DDX49: variants seen among roughly 807,000 people sequenced by gnomAD.
DDX49 encodes probable ATP-dependent RNA helicase DDX49.
Under a neutral mutation model 56.3 loss-of-function variants are expected in DDX49, and 50 were observed. The ratio of observed to expected loss-of-function variants is 0.89; its 90% CI spans 0.71 to 1.12. DDX49 has a LOEUF of 1.12. Ranked by LOEUF, DDX49 falls within the 50% of genes most tolerant of loss-of-function variation. DDX49 has a pLI of 0.00. For missense variants in DDX49, 614 were observed against 650.5 expected, an observed-to-expected ratio of 0.94 and a Z score of 0.61; for synonymous variants, 269 against 270.6, an observed-to-expected ratio of 0.99 and a Z score of 0.06.
chr19:18,922,022 A>G lies in DDX49; in HGVS notation c.447+58A>G, dbSNP rs377111101. 3.2e-5 allele frequency: 50 copies of G among 1,555,490 alleles called. 1 individual carries two copies. The highest frequency in any genetic ancestry group is 1.8e-4 in the African/African-American group (13 of 73,018). On this transcript the variant is annotated intron_variant, in intron 4 of 12. Transcript: ENST00000247003. ...GCTGGGCTCGGAGCCTCCAGGCCCAATGTCAGAGCCTGGGGCACCATCTCA... is the reference window on the plus strand; with the variant it reads ...GCTGGGCTCGGAGCCTCCAGGCCCAGTGTCAGAGCCTGGGGCACCATCTCA...
In DDX49 at chr19:18,921,913, A is replaced by C; in HGVS notation, c.396A>C (p.Ala132=). ...HVVIATPGRL[A]DHLRSSNTFS... Reference sequence around the variant, plus strand: ...TCATCGCCACGCCGGGGCGCCTGGCAGATCACCTGCGCAGCTCCAACACTT... The same window carrying C: ...TCATCGCCACGCCGGGGCGCCTGGCCGATCACCTGCGCAGCTCCAACACTT... The change falls in exon 4 of 13, where the codon GCA becomes GCC. Residue 132 remains alanine, a synonymous_variant. Coordinates refer to ENST00000247003, the MANE Select transcript of DDX49 (RefSeq NM_019070.5). 6.2e-7 allele frequency: 1 copy of C among 1,613,936 alleles called. No individual in the cohort carries two copies. The highest frequency in any genetic ancestry group is 8.5e-7 in the Non-Finnish European group (1 of 1,180,014).
At chr19:18,924,510 C>T (rs1402905950) in intron 7 of DDX49, 113 bp from the exon 8 acceptor site, 1 of 1,272,874 alleles carries the variant, frequency 7.9e-7, no homozygotes, top group East Asian at 2.3e-5. Context: ...CTTCTCATGG[C>T]CACCTTCCTC....
At chr19:18,926,240 T>C in intron 9 of DDX49, 63 bp from the exon 10 acceptor site, 1 of 1,513,708 alleles carries the variant, frequency 6.6e-7, no homozygotes, top group Middle Eastern at 1.7e-4. Flanking sequence ...TGTCAGGATC[T>C]ACCTTTATTC....
chr19:18,924,591 G>C lies in DDX49; in HGVS notation c.853-32G>C. On this transcript the variant is annotated intron_variant, in intron 7 of 12. Transcript: ENST00000247003. ...CTCACACAGAAAACCCTGCCTTCAT[G>C]CATTCCCAATTTTCTTCCCAACCCT... 3 of 1,612,942 alleles carry C rather than the reference G, an allele frequency of 1.9e-6. No homozygotes were observed. The Admixed American group carries it at 5.0e-5, about 27-fold the overall frequency.
Position 18,924,660 on chromosome 19 carries a change from G to C in DDX49, c.890G>C (p.Ser297Thr). 6.2e-7 allele frequency: 1 copy of C among 1,614,208 alleles called. No individual in the cohort carries two copies. The highest frequency in any genetic ancestry group is 8.5e-7 in the Non-Finnish European group (1 of 1,180,034). The part of the protein sequence containing the change: ...RFAALAKFKS[S>T]IYRILIATDV... The stretch of plus-strand genomic sequence containing the variant: ...GCCGCCCTAGCCAAGTTCAAGTCCA[G>C]CATCTACCGGATCCTGATCGCAACA... The change falls in exon 8 of 13, where the codon AGC (serine) becomes ACC (threonine). Residue 297 changes from serine (S) to threonine (T), a missense_variant. Physicochemically the swap from Ser to Thr is moderately conservative, Grantham distance 58. Coordinates refer to ENST00000247003, the MANE Select transcript of DDX49 (RefSeq NM_019070.5).
chr19:18,922,509 G>A lies in DDX49; in HGVS notation c.631G>A (p.Ala211Thr), dbSNP rs1157397503. 2 of 1,599,874 alleles carry A rather than the reference G, an allele frequency of 1.3e-6. No individual in the cohort carries two copies. Among genetic ancestry groups the A allele is most frequent in the South Asian group, 1.1e-5 (1 of 90,494 alleles). ...TNQPFFWEAQ[A>T]PVSTVEQLDQ... ...CCAGCCCTTCTTCTGGGAAGCACAG[G>A]CCCCGTGAGTCCACAGCCCAGACAG... The change falls in exon 5 of 13, where the codon GCC (alanine) becomes ACC (threonine). Residue 211 changes from alanine to threonine, a missense_variant. Physicochemically the swap from Ala to Thr is moderately conservative, Grantham distance 58. Transcript: ENST00000247003.
chr19:18,924,279 A>C lies in DDX49; in HGVS notation c.823A>C (p.Thr275Pro), dbSNP rs536731978. The change falls in exon 7 of 13, where the codon ACC becomes CCC. Residue 275 changes from threonine to proline, a missense_variant. Coordinates refer to ENST00000247003, the MANE Select transcript of DDX49 (RefSeq NM_019070.5). Reference sequence around the variant, plus strand: ...GATGCTGCGCAAATTCAGCTTCCCCACCGTGGCTCTGCACTCCATGATGAA... The same window carrying C: ...GATGCTGCGCAAATTCAGCTTCCCCCCCGTGGCTCTGCACTCCATGATGAA... Reference protein sequence around the residue: ...CMMLRKFSFPTVALHSMMKQK... With the variant: ...CMMLRKFSFPPVALHSMMKQK... 1 of 1,613,574 alleles carries C rather than the reference A, an allele frequency of 6.2e-7. No individual in the cohort carries two copies. Among genetic ancestry groups the C allele is most frequent in the East Asian group, 2.2e-5 (1 of 44,866 alleles).
intron 6 of DDX49, among the ~76,000 whole-genome samples, chr19:18,923,026 G>T (rs1271845106): frequency 1.3e-5 from 2 of 152,164 alleles, no homozygotes; most frequent in Admixed American, 1.3e-4. Context: ...GAGCTTTCCT[G>T]GGCCTTTAGT....
At position 18,924,266 on chromosome 19, in the gene DDX49, A is replaced by G. The variant is rs372898180; in HGVS notation, c.810A>G (p.Lys270=). 12 of 1,613,856 alleles carry G rather than the reference A, an allele frequency of 7.4e-6. No individual in the cohort carries two copies. The highest frequency in any genetic ancestry group is 2.2e-5 in the East Asian group (1 of 44,862). Residue 270 remains lysine (K), a synonymous_variant, in exon 7 of 13, where the codon AAA becomes AAG. Coordinates refer to ENST00000247003, the MANE Select transcript of DDX49 (RefSeq NM_019070.5). The part of the protein sequence containing the change: ...TCQILCMMLR[K]FSFPTVALHS... ...AGATTCTGTGCATGATGCTGCGCAA[A>G]TTCAGCTTCCCCACCGTGGCTCTGC...
intron 7 of DDX49, 82 bp downstream of exon 7, chr19:18,924,390 C>G: frequency 7.0e-7 from 1 of 1,427,790 alleles, no homozygotes; most frequent in South Asian, 1.2e-5. Context: ...TTCCTTCTGC[C>G]GGGCGCCTTC....
Position 18,920,668 on chromosome 19 carries a change from C to G in DDX49, c.204C>G (p.Pro68=). The G allele has an allele frequency of 6.2e-7, 1 of 1,610,338 alleles. No homozygotes were observed. Among genetic ancestry groups the G allele is most frequent in the Non-Finnish European group, 8.5e-7 (1 of 1,176,912 alleles). The change falls in exon 2 of 13, where the codon CCC becomes CCG. Residue 68 remains proline, a synonymous_variant. Coordinates refer to ENST00000247003, the MANE Select transcript of DDX49 (RefSeq NM_019070.5). The part of the protein sequence containing the change: ...LPILQKLSED[P]YGIFCLVLTP... ...TCTTGCAGAAGCTGTCTGAGGATCC[C>G]TATGGCATCTTCTGCCTCGTCCTGA...
Position 18,928,440 on chromosome 19 carries a change from C to T in DDX49, c.*124C>T, listed in dbSNP as rs549829011. On this transcript the variant is annotated 3_prime_UTR_variant, in exon 13 of 13. Transcript: ENST00000247003. Reference sequence around the variant, plus strand: ...AGTGCCCCACAGCAGAACCCGTGGGCGCTCGTGTTGTGCGGGCCCTGCTCC... The same window carrying T: ...AGTGCCCCACAGCAGAACCCGTGGGTGCTCGTGTTGTGCGGGCCCTGCTCC... 5.6e-5 allele frequency: 56 copies of T among 995,514 alleles called. No homozygotes were observed. The highest frequency in any genetic ancestry group is 5.1e-4 in the African/African-American group (31 of 61,188). The allele number at this position is 995,514 out of a possible 1,614,324, so 61.7% of individuals were successfully genotyped here. A position where few individuals can be genotyped will look rare whatever the true frequency, so the allele number is the denominator to read the frequency against.
At chr19:18,920,865 G>C (rs1459106821) in intron 2 of DDX49, 162 bp downstream of exon 2, 13 of 646,018 alleles carry the variant, frequency 2.0e-5, no homozygotes, top group Admixed American at 3.1e-5. Flanking sequence ...GATGGCCCCG[G>C]TGCAGTGGCT....
Position 18,922,536 on chromosome 19 carries a change from G to A in DDX49, c.635+23G>A, listed in dbSNP as rs201989550. ...CCCGTGAGTCCACAGCCCAGACAGC[G>A]TGGGGAGGGCAGCCCCATCCTACAG... is the stretch of plus-strand genomic sequence containing the variant. On this transcript the variant is annotated intron_variant, in intron 5 of 12. Transcript: ENST00000247003. 3.0e-5 allele frequency: 48 copies of A among 1,597,840 alleles called. No individual in the cohort carries two copies. In the Middle Eastern group the frequency reaches 6.6e-4, roughly 22 times the overall value.
At chr19:18,924,440 G>A in intron 7 of DDX49, 132 bp downstream of exon 7, 1 of 1,092,176 alleles carries the variant, frequency 9.2e-7, no homozygotes, top group Non-Finnish European at 1.4e-6. Flanking sequence ...GAATATCGCA[G>A]CTCAAGAGGC....
rs367767340 is a variant in DDX49, at chr19:18,921,840, C to A, written c.326-3C>A. ...GCCCTGCCTCTCATGCTCTGTCCCC[C>A]AGACATGGTGGCCCAGGCGCTGGAG... On this transcript the variant is annotated splice_polypyrimidine_tract_variant and splice_region_variant and intron_variant, in intron 3 of 12. Transcript: ENST00000247003. 2 of 1,613,882 alleles carry A rather than the reference C, an allele frequency of 1.2e-6. No homozygotes were observed. The highest frequency in any genetic ancestry group is 1.1e-5 in the South Asian group (1 of 91,078).
chr19:18,927,655 C>A, intron 10 of DDX49, 111 bp from the exon 11 acceptor site: 1 of 839,872 alleles, frequency 1.2e-6, no homozygotes, highest in Non-Finnish European at 2.0e-6. Context: ...CTGATATGGC[C>A]CCAGATGGCC....
At chr19:18,926,282 A>G in intron 9 of DDX49, 21 bp from the exon 10 acceptor site, 1 of 1,565,132 alleles carries the variant, frequency 6.4e-7, no homozygotes, top group Non-Finnish European at 8.7e-7. Context: ...CACATAGCAG[A>G]TAACCGGCAC....
chr19:18,926,217 T>G, intron 9 of DDX49, 86 bp from the exon 10 acceptor site: 1 of 1,393,720 alleles, frequency 7.2e-7, no homozygotes, highest in Non-Finnish European at 9.9e-7. Context: ...CCAGGACCCC[T>G]GAGCTGTGTA....
Sources: allele counts gnomAD v4.1 joint callset (sites outside exome capture counted in the v4.1 genomes callset), GRCh38; gene constraint gnomAD v4.1.1; transcripts MANE v1.5; gene names NCBI Gene and HGNC (gene_info 2026-07-23, HGNC 2026-07-21).